The following PBDC1 variants were observed in gnomAD, a reference collection of about 807,000 sequenced individuals.
The protein encoded by PBDC1 is polysaccharide biosynthesis domain containing 1.
In PBDC1, 3 loss-of-function variants were observed where a neutral mutation model predicts 12.0. The ratio of observed to expected loss-of-function variants is 0.25; its 90% CI spans 0.11 to 0.64. PBDC1 has a LOEUF of 0.64. Ranked by LOEUF, PBDC1 falls within the 30% of genes least tolerant of loss-of-function variation. PBDC1 has a pLI of 0.84. For missense variants in PBDC1, 162 were observed against 168.1 expected (o/e 0.96, Z 0.20); for synonymous variants, 64 against 56.4 (o/e 1.13, Z -0.60).
chrX:76,173,727 A>G (rs980757445), intron 2 of PBDC1, 77 bp downstream of exon 2: 5 of 631,773 alleles, frequency 7.9e-6, no homozygotes, highest in African/African-American at 2.3e-5. Flanking sequence ...CCACTAAGTT[A>G]TAACTTCACG....
At position 76,173,134 on chromosome X, in the gene PBDC1, G is replaced by A. The variant is rs2147445182; in HGVS notation, c.-5G>A. The A allele has an allele frequency of 1.0e-5, 12 of 1,176,798 alleles. No homozygotes were observed. Among genetic ancestry groups the A allele is most frequent in the Non-Finnish European group, 1.4e-5 (12 of 877,306 alleles). ...GGAAGGAGCCACGCTTTCGGGGGTTGCAAGATGGCGGCCACCAGTGGAACT... is the reference window on the plus strand; with the variant it reads ...GGAAGGAGCCACGCTTTCGGGGGTTACAAGATGGCGGCCACCAGTGGAACT... On this transcript the variant is annotated 5_prime_UTR_variant, in exon 1 of 6. Coordinates refer to ENST00000373358, the MANE Select transcript of PBDC1 (RefSeq NM_016500.5).
In PBDC1 at chrX:76,173,089, T is replaced by C. The variant is rs1004652541; in HGVS notation, c.-50T>C. 2.6e-6 allele frequency: 3 copies of C among 1,157,394 alleles called. No homozygotes were observed. The highest frequency in any genetic ancestry group is 2.3e-6 in the Non-Finnish European group (2 of 862,564). On this transcript the variant is annotated 5_prime_UTR_variant, in exon 1 of 6. Coordinates refer to ENST00000373358, the MANE Select transcript of PBDC1 (RefSeq NM_016500.5). ...CAGTTGAGAAGGACTCTGATCCGGC[T>C]CAGCTTTCCAATCAGCTGCGGAAGG...
chrX:76,174,277 T>TA (rs782121043), intron 2 of PBDC1, among the ~76,000 whole-genome samples: 50 of 111,454 alleles, frequency 4.5e-4, no homozygotes, highest in Non-Finnish European at 8.3e-4. Context: ...GTGCATGGTC[T>TA]AAGGCATGGA....
chrX:76,175,756 G>A, intron 4 of PBDC1, 143 bp downstream of exon 4: 1 of 455,032 alleles, frequency 2.2e-6, no homozygotes, highest in Non-Finnish European at 3.6e-6. Flanking sequence ...AATCAACTAA[G>A]TTAGGAAATG....
chrX:76,177,884 CAA>C lies in PBDC1; in HGVS notation c.681_682del (p.Ser228TrpfsTer2). 2.5e-6 allele frequency: 3 copies of C among 1,211,186 alleles called. No homozygotes were observed. The highest frequency in any genetic ancestry group is 3.4e-6 in the Non-Finnish European group (3 of 895,249). ...KGKEADKEIN[K>X]SGEKAM The stretch of plus-strand genomic sequence containing the variant: ...GGAAAGAAGCTGACAAAGAAATCAA[CAA>C]AAGTGGTGAAAAAGCTATGTAAGGT... On this transcript the variant is annotated frameshift_variant, in exon 6 of 6. Transcript: ENST00000373358. LOFTEE classifies it high-confidence loss of function.
chrX:76,178,301 T>A lies in PBDC1; in HGVS notation c.*393T>A. Reference sequence around the variant, plus strand: ...TCTTATATAAGATAATTTACTCCTGTTTCTTACTGCTTCTCACTGTTTCCT... The same window carrying A: ...TCTTATATAAGATAATTTACTCCTGATTCTTACTGCTTCTCACTGTTTCCT... On this transcript the variant is annotated 3_prime_UTR_variant, in exon 6 of 6. Transcript: ENST00000373358. The A allele has an allele frequency of 4.9e-6, 1 of 203,235 alleles. No individual in the cohort carries two copies. The highest frequency in any genetic ancestry group is 8.8e-5 in the East Asian group (1 of 11,347). 16.7% of individuals were successfully genotyped at this position (203,235 alleles called of 1,213,427 possible).
chrX:76,175,394 G>C, intron 3 of PBDC1, 79 bp from the exon 4 acceptor site: 1 of 969,535 alleles, frequency 1.0e-6, no homozygotes, highest in Non-Finnish European at 1.5e-6. Context: ...AACCATAAAG[G>C]TTTTCTGGTG....
At chrX:76,175,106 C>T (rs1331088149) in intron 3 of PBDC1, among the ~76,000 whole-genome samples, 157 bp downstream of exon 3, 9 of 112,831 alleles carry the variant, frequency 8.0e-5, no homozygotes, top group African/African-American at 2.6e-4. Context: ...GGAGCGAAGG[C>T]AAATTTGTTT....
At chrX:76,176,130 GTTTGT>G (rs1351491990) in intron 4 of PBDC1, among the ~76,000 whole-genome samples, 1 of 96,974 alleles carries the variant, frequency 1.0e-5, no homozygotes, top group Non-Finnish European at 2.1e-5. Context: ...TTGTTTGTTT[GTTTGT>G]TTTGTTTTGT....
Position 76,177,815 on chromosome X carries a change from A to G in PBDC1, c.609A>G (p.Glu203=). ...CTGATAGTGGAGAAGAAAAAGAGGA[A>G]GGAATCAACAGAGAAGACAAAACTG... ...KGADSGEEKE[E]GINREDKTDK... is the part of the protein sequence containing the mutation. Residue 203 remains glutamate (E), a synonymous_variant, in exon 6 of 6, where the codon GAA becomes GAG. Transcript: ENST00000373358. 2 of 1,202,636 alleles carry G rather than the reference A, an allele frequency of 1.7e-6. No individual in the cohort carries two copies. Among genetic ancestry groups the G allele is most frequent in the Non-Finnish European group, 2.2e-6 (2 of 891,157 alleles).
intron 1 of PBDC1, 76 bp from the exon 2 acceptor site, chrX:76,173,509 C>T: frequency 1.4e-6 from 1 of 738,246 alleles, no homozygotes; most frequent in South Asian, 2.9e-5. Context: ...AGGCACGAGT[C>T]ACTGCGACTG....
Position 76,178,000 on chromosome X carries a change from A to C in PBDC1, c.*92A>C. 8.5e-7 allele frequency: 1 copy of C among 1,173,535 alleles called. No individual in the cohort carries two copies. Among genetic ancestry groups the C allele is most frequent in the Admixed American group, 2.7e-5 (1 of 37,185 alleles). On this transcript the variant is annotated 3_prime_UTR_variant, in exon 6 of 6. Coordinates refer to ENST00000373358, the MANE Select transcript of PBDC1 (RefSeq NM_016500.5). ...TGCACAGACCCCTTTGGTTAAATGT[A>C]AATTCTTGTACAATTGAAGGATACG...
In PBDC1 at chrX:76,177,698, C is replaced by A. The variant is rs782629564; in HGVS notation, c.492C>A (p.Asp164Glu). The A allele has an allele frequency of 8.3e-7, 1 of 1,204,898 alleles. No individual in the cohort carries two copies. Among genetic ancestry groups the A allele is most frequent in the Non-Finnish European group, 1.1e-6 (1 of 893,135 alleles). Residue 164 changes from aspartate (D) to glutamate (E), a missense_variant, in exon 6 of 6, where the codon GAC becomes GAA. Coordinates refer to ENST00000373358, the MANE Select transcript of PBDC1 (RefSeq NM_016500.5). ...AAGCTGTTTATATCAGTGTTCAGGA[C>A]AAAGAAGGAGAGAAAGGAGTCAACA... ...YNKAVYISVQ[D>E]KEGEKGVNNG...
chrX:76,178,010 A>G lies in PBDC1; in HGVS notation c.*102A>G. The G allele has an allele frequency of 8.6e-7, 1 of 1,164,702 alleles. No individual in the cohort carries two copies. Among genetic ancestry groups the G allele is most frequent in the Non-Finnish European group, 1.1e-6 (1 of 873,995 alleles). On this transcript the variant is annotated 3_prime_UTR_variant, in exon 6 of 6. Coordinates refer to ENST00000373358, the MANE Select transcript of PBDC1 (RefSeq NM_016500.5). ...CCTTTGGTTAAATGTAAATTCTTGT[A>G]CAATTGAAGGATACGCAGAAGGACA...
chrX:76,175,327 T>C (rs1924764154), intron 3 of PBDC1, 146 bp from the exon 4 acceptor site: 1 of 553,666 alleles, frequency 1.8e-6, no homozygotes, highest in South Asian at 2.9e-5. Flanking sequence ...AACTGTGTCA[T>C]GATTTCATCT....
chrX:76,174,127 G>A (rs901561194), intron 2 of PBDC1, among the ~76,000 whole-genome samples: 2 of 112,028 alleles, frequency 1.8e-5, no homozygotes, highest in South Asian at 3.7e-4. Context: ...AGTGGGTCAG[G>A]CCATAAGATC....
Position 76,177,929 on chromosome X carries a change from C to T in PBDC1, c.*21C>T, listed in dbSNP as rs201110824. 1 of 1,205,802 alleles carries T rather than the reference C, an allele frequency of 8.3e-7. No homozygotes were observed. The highest frequency in any genetic ancestry group is 1.1e-6 in the Non-Finnish European group (1 of 892,558). ...TGTAAGGTATACAGGGAACAGCACTCTAGAAGCTATGACTCAATTGAGACT... is the reference window on the plus strand; with the variant it reads ...TGTAAGGTATACAGGGAACAGCACTTTAGAAGCTATGACTCAATTGAGACT... On this transcript the variant is annotated 3_prime_UTR_variant, in exon 6 of 6. Coordinates refer to ENST00000373358, the MANE Select transcript of PBDC1 (RefSeq NM_016500.5).
chrX:76,175,696 T>C (rs1191530403), intron 4 of PBDC1, 83 bp downstream of exon 4: 5 of 774,130 alleles, frequency 6.5e-6, no homozygotes, highest in African/African-American at 4.3e-5. Context: ...TTAAGCTCTT[T>C]TTTTGTTTGA....
chrX:76,177,725 T>A lies in PBDC1; in HGVS notation c.519T>A (p.Asn173Lys). Reference protein sequence around the residue: ...QDKEGEKGVNNGGEKRADSGE... With the variant: ...QDKEGEKGVNKGGEKRADSGE... ...AAGAAGGAGAGAAAGGAGTCAACAA[T>A]GGAGGAGAAAAAAGAGCTGACAGTG... The change falls in exon 6 of 6, where the codon AAT becomes AAA. Residue 173 changes from asparagine (N) to lysine (K), a missense_variant. Transcript: ENST00000373358. The A allele has an allele frequency of 8.3e-7, 1 of 1,207,505 alleles. No homozygotes were observed. Among genetic ancestry groups the A allele is most frequent in the Non-Finnish European group, 1.1e-6 (1 of 894,231 alleles).
Sources: allele counts gnomAD v4.1 joint callset (sites outside exome capture counted in the v4.1 genomes callset), GRCh38; gene constraint gnomAD v4.1.1; transcripts MANE v1.5; gene names NCBI Gene and HGNC (gene_info 2026-07-23, HGNC 2026-07-21).